OPRM1: variants seen among roughly 807,000 people sequenced by gnomAD.
The protein encoded by OPRM1 is mu-type opioid receptor.
OPRM1 carries 27 observed loss-of-function variants against 31.8 expected under a neutral mutation model. The ratio of observed to expected loss-of-function variants is 0.85; its 90% CI spans 0.63 to 1.17. The LOEUF (loss-of-function observed/expected upper bound fraction) is 1.17. Among genes scored for constraint, OPRM1 ranks in the 50% most tolerant of loss-of-function variants. OPRM1 has a pLI of 0.00. For missense variants in OPRM1, 536 were observed against 511.1 expected, an observed-to-expected ratio of 1.05 and a Z score of -0.47; for synonymous variants, 196 against 189.9, an observed-to-expected ratio of 1.03 and a Z score of -0.26.
chr6:154,168,016 A>G lies in OPRM1; in HGVS notation c.1164+76544A>G. 6.2e-7 allele frequency: 1 copy of G among 1,612,282 alleles called. No homozygotes were observed. Among genetic ancestry groups the G allele is most frequent in the Non-Finnish European group, 8.5e-7 (1 of 1,178,540 alleles). On this transcript the variant is annotated intron_variant, in intron 3 of 3. Coordinates refer to the OPRM1 transcript ENST00000337049. This position sits in a 1 kb window ranked among gnomAD's most constrained non-coding sequence, Gnocchi z 4.1. Reference sequence around the variant, plus strand: ...CAAAGGATTTTCTCAACTCCTTTTTAGTCGAAGGTCGTCGGTCCCCAAGAG... The same window carrying G: ...CAAAGGATTTTCTCAACTCCTTTTTGGTCGAAGGTCGTCGGTCCCCAAGAG...
At chr6:154,040,482 A>T (rs1386173987) in intron 1 of OPRM1, among the ~76,000 whole-genome samples, 1 of 152,130 alleles carries the variant, frequency 6.6e-6, no homozygotes, top group Non-Finnish European at 1.5e-5. Flanking sequence ...TCTCCATGAC[A>T]GTTTTCCTCT....
chr6:154,227,575 GAGCATGGC>G, intron 3 of OPRM1, among the ~76,000 whole-genome samples: 1 of 152,124 alleles, frequency 6.6e-6, no homozygotes, highest in East Asian at 1.9e-4. Flanking sequence ...AAAATTAGCC[GAGCATGGC>G]AGCACACGCC....
chr6:154,068,673 G>A (rs1397050200), intron 1 of OPRM1, among the ~76,000 whole-genome samples: 7 of 152,094 alleles, frequency 4.6e-5, no homozygotes, highest in African/African-American at 4.8e-5. Flanking sequence ...ACATGGGAAC[G>A]TAGCTATCTC....
At chr6:154,103,089 C>G (rs1583559173) in intron 3 of OPRM1, among the ~76,000 whole-genome samples, 2 of 151,846 alleles carry the variant, frequency 1.3e-5, no homozygotes, top group Admixed American at 6.6e-5. Context: ...TTAGAGAACC[C>G]CAGGAGGCTC....
rs758348717 is a variant in OPRM1, at chr6:154,107,469, A to G, written c.1165-11214A>G. 15 of 718,552 alleles carry G rather than the reference A, an allele frequency of 2.1e-5. No homozygotes were observed. The South Asian group carries it at 2.2e-4, about 11-fold the overall frequency. The allele number at this position is 718,552 out of a possible 1,614,324, so 44.5% of individuals were successfully genotyped here. A position where few individuals can be genotyped will look rare whatever the true frequency, so the allele number is the denominator to read the frequency against. On this transcript the variant is annotated intron_variant, in intron 3 of 3. Coordinates refer to ENST00000330432, the MANE Select transcript of OPRM1 (RefSeq NM_000914.5). ...CAGAAGTGACTTACTTTCTAGGTGGAATTGAACCTGGACTGTCACTGTGAA... is the reference window on the plus strand; with the variant it reads ...CAGAAGTGACTTACTTTCTAGGTGGGATTGAACCTGGACTGTCACTGTGAA...
intron 3 of OPRM1, among the ~76,000 whole-genome samples, chr6:154,141,590 CAG>C (rs1798213112): frequency 6.6e-6 from 1 of 152,154 alleles, no homozygotes; most frequent in Non-Finnish European, 1.5e-5. Context: ...CCAAGGTGGT[CAG>C]AGCACAGTTT....
chr6:154,221,782 G>A (rs1325563577), intron 3 of OPRM1, among the ~76,000 whole-genome samples: 2 of 152,134 alleles, frequency 1.3e-5, no homozygotes, highest in Non-Finnish European at 2.9e-5. Flanking sequence ...GCTGAGGCAG[G>A]AGAATGGCAT....
chr6:154,032,737 T>C (rs1317310295), intron 1 of OPRM1, among the ~76,000 whole-genome samples: 1 of 152,284 alleles, frequency 6.6e-6, no homozygotes, highest in South Asian at 2.1e-4. Flanking sequence ...CAGTCCAGAG[T>C]TCACATTTCT....
chr6:154,166,891 A>C (rs912548378), intron 3 of OPRM1, among the ~76,000 whole-genome samples: 1 of 152,222 alleles, frequency 6.6e-6, no homozygotes, highest in Non-Finnish European at 1.5e-5. Context: ...TATCGATAAA[A>C]ATTTTAATAT....
Position 154,011,115 on chromosome 6 carries a change from G to A in OPRM1, c.-1+97G>A, listed in dbSNP as rs1777701572. On this transcript the variant is annotated intron_variant, in intron 1 of 5. Transcript: ENST00000434900. ...GCTGCTTGACACTCATCTCTTAAAT[G>A]CTATACATTCTACCTTGTCCCTGTG... 2.7e-6 allele frequency: 3 copies of A among 1,095,282 alleles called. No homozygotes were observed. The East Asian group carries it at 1.8e-4, about 64-fold the overall frequency. The allele number at this position is 1,095,282 out of a possible 1,614,324, so 67.8% of individuals were successfully genotyped here. A position where few individuals can be genotyped will look rare whatever the true frequency, so the allele number is the denominator to read the frequency against.
rs1583626475 is a variant in OPRM1 at position 154,123,342 on chromosome 6, C to T, written c.*4621C>T. Among the ~76,000 whole-genome samples the T allele has an allele frequency of 6.6e-6, 1 of 152,168 alleles. No individual in the cohort carries two copies. The highest frequency in any genetic ancestry group is 2.4e-5 in the African/African-American group (1 of 41,436). On this transcript the variant is annotated 3_prime_UTR_variant, in exon 4 of 4. Coordinates refer to ENST00000330432, the MANE Select transcript of OPRM1 (RefSeq NM_000914.5). ...TTTTCCTGGGAGCCCACTAATCACACAGTGAACAAAAGGCTTCTATGCTGG... is the reference window on the plus strand; with the variant it reads ...TTTTCCTGGGAGCCCACTAATCACATAGTGAACAAAAGGCTTCTATGCTGG...
upstream of OPRM1, among the ~76,000 whole-genome samples, chr6:154,035,710 G>A (rs1335548135): frequency 6.6e-6 from 1 of 152,110 alleles, no homozygotes; most frequent in Non-Finnish European, 1.5e-5. Context: ...ATTCAAAGAA[G>A]AGAAGTGACT....
intron 1 of OPRM1, among the ~76,000 whole-genome samples, chr6:154,069,460 A>G (rs1223809365): frequency 6.6e-6 from 1 of 152,144 alleles, no homozygotes; most frequent in Admixed American, 6.6e-5. Flanking sequence ...GATGGTCTCG[A>G]TCACTTGACC....
At chr6:154,245,405 C>T (rs2128641301) in intron 3 of OPRM1, among the ~76,000 whole-genome samples, 1 of 152,144 alleles carries the variant, frequency 6.6e-6, no homozygotes, top group East Asian at 1.9e-4. Context: ...TGCTTATTCC[C>T]AGCACTGGAA....
intron 3 of OPRM1, among the ~76,000 whole-genome samples, chr6:154,177,458 C>T (rs914696217): frequency 4.6e-5 from 7 of 152,044 alleles, no homozygotes; most frequent in African/African-American, 7.3e-5. Context: ...AACAAACAAC[C>T]CCATCAGAAA....
chr6:154,058,500 A>C (rs553174291), intron 1 of OPRM1, among the ~76,000 whole-genome samples: 50 of 152,348 alleles, frequency 3.3e-4, no homozygotes, highest in African/African-American at 1.2e-3. Context: ...AATTATCTTT[A>C]GCCCACATGA....
chr6:154,047,472 C>T (rs1041953326), intron 1 of OPRM1, among the ~76,000 whole-genome samples: 2 of 152,008 alleles, frequency 1.3e-5, no homozygotes, highest in Non-Finnish European at 2.9e-5. Flanking sequence ...CTCTCTGTCT[C>T]TCATTCTCTG....
At chr6:154,063,288 T>C (rs1309745751) in intron 1 of OPRM1, among the ~76,000 whole-genome samples, 1 of 151,994 alleles carries the variant, frequency 6.6e-6, no homozygotes, top group Admixed American at 6.6e-5. Context: ...CACAAACCCC[T>C]GTAAAGAGTT....
intron 3 of OPRM1, chr6:154,094,315 C>A: frequency 1.2e-6 from 1 of 863,780 alleles, no homozygotes; most frequent in Non-Finnish European, 1.7e-6. Flanking sequence ...TGGCAGTTAT[C>A]AAGGTAATTT....
Sources: gnomAD v4.1 joint callset for allele counts (sites outside exome capture counted in the v4.1 genomes callset) on GRCh38, gnomAD v4.1.1 for gene constraint, Gnocchi (gnomAD v3.1) non-coding constraint, MANE v1.5 for transcripts, NCBI Gene and HGNC (gene_info 2026-07-23, HGNC 2026-07-21) for gene names.